Variants in P2RY6 observed in about 807,000 individuals in gnomAD.
P2RY6 encodes the protein pyrimidinergic receptor P2Y6.
Under a neutral mutation model 16.3 loss-of-function variants are expected in P2RY6, and 19 were observed. The ratio of observed to expected loss-of-function variants is 1.16; its 90% CI spans 0.81 to 1.71. P2RY6 has a LOEUF of 1.71. P2RY6 is among the 40% of genes most tolerant of loss of function. P2RY6 has a pLI of 0.00. For synonymous variants in P2RY6, 184 were observed against 201.5 expected, an observed-to-expected ratio of 0.91 and a Z score of 0.74; for missense variants, 389 against 455.5, an observed-to-expected ratio of 0.85 and a Z score of 1.33.
upstream of P2RY6, among the ~76,000 whole-genome samples, chr11:73,269,227 G>A (rs1863205666): frequency 1.3e-5 from 2 of 152,174 alleles, no homozygotes; most frequent in African/African-American, 4.8e-5. Context: ...GAGTGCAGGA[G>A]GGTGGCTGTG....
intron 1 of P2RY6, chr11:73,292,717 G>T (rs1269063890): frequency 3.6e-5 from 29 of 804,888 alleles, no homozygotes; most frequent in Non-Finnish European, 4.1e-5. Flanking sequence ...TAGGCGTGGT[G>T]TTGGGGATGG....
At chr11:73,290,344 A>AAAGT (rs1864178760) in intron 1 of P2RY6, among the ~76,000 whole-genome samples, 1 of 149,426 alleles carries the variant, frequency 6.7e-6, no homozygotes, top group South Asian at 2.1e-4. Flanking sequence ...AGAAAGAAAG[A>AAAGT]AAGAAAGAAA....
At chr11:73,291,795 C>A (rs933106182) in intron 1 of P2RY6, among the ~76,000 whole-genome samples, 1 of 151,868 alleles carries the variant, frequency 6.6e-6, no homozygotes, top group Non-Finnish European at 1.5e-5. Flanking sequence ...CACTGGTGAT[C>A]AGTATGACCA....
At chr11:73,295,437 T>C (rs1864432956) in intron 1 of P2RY6, among the ~76,000 whole-genome samples, 1 of 152,226 alleles carries the variant, frequency 6.6e-6, no homozygotes, top group African/African-American at 2.4e-5. Flanking sequence ...CCCATGTCTG[T>C]GGGCTACACT....
intron 1 of P2RY6, chr11:73,265,552 G>A (rs11235705): frequency 0.14 from 20,608 of 149,868 alleles, 1,511 homozygotes; most frequent in Non-Finnish European, 0.18. Context: ...GAGTGAGGCG[G>A]TGATGTTGGG....
chr11:73,280,787 C>T (rs1194282395), intron 1 of P2RY6, among the ~76,000 whole-genome samples: 1 of 152,180 alleles, frequency 6.6e-6, no homozygotes, highest in African/African-American at 2.4e-5. Context: ...CAGAGTCCAG[C>T]AGGTCGCGTG....
upstream of P2RY6, among the ~76,000 whole-genome samples, chr11:73,268,052 G>GT (rs1863163249): frequency 6.6e-6 from 1 of 152,270 alleles, no homozygotes; most frequent in African/African-American, 2.4e-5. Context: ...CGTGCCTGCC[G>GT]TGGGTGGTGT....
At chr11:73,277,082 A>G (rs1365045908) in intron 1 of P2RY6, among the ~76,000 whole-genome samples, 1 of 151,792 alleles carries the variant, frequency 6.6e-6, no homozygotes, top group Non-Finnish European at 1.5e-5. Flanking sequence ...AAGTTGGCCC[A>G]CTGCATCACT....
intron 1 of P2RY6, among the ~76,000 whole-genome samples, chr11:73,281,453 A>G (rs921064308): frequency 6.6e-6 from 1 of 152,264 alleles, no homozygotes; most frequent in Admixed American, 6.5e-5. Flanking sequence ...AGAAGGGACC[A>G]GCCCACATTC....
At chr11:73,292,903 A>C in intron 1 of P2RY6, 2 of 967,870 alleles carry the variant, frequency 2.1e-6, no homozygotes, top group Non-Finnish European at 2.4e-6. Context: ...AGCGTGCTGC[A>C]GGGACAGGAG....
intron 1 of P2RY6, chr11:73,292,896 G>A (rs1049493790): frequency 1.1e-4 from 108 of 984,636 alleles, no homozygotes; most frequent in Admixed American, 9.3e-4. Context: ...GACCACCAGC[G>A]TGCTGCAGGG....
chr11:73,296,639 C>G lies in P2RY6; in HGVS notation c.121C>G (p.Leu41Val). 6.2e-7 allele frequency: 1 copy of G among 1,614,212 alleles called. No homozygotes were observed. The highest frequency in any genetic ancestry group is 8.5e-7 in the Non-Finnish European group (1 of 1,180,044). Residue 41 changes from leucine to valine, a missense_variant, in exon 3 of 3, where the codon CTG becomes GTG. Physicochemically the swap from Leu to Val is conservative, Grantham distance 32. Coordinates refer to ENST00000540124, the MANE Select transcript of P2RY6 (RefSeq NM_001277204.2). Reference protein sequence around the residue: ...PVYSAVLAAGLPLNICVITQI... With the variant: ...PVYSAVLAAGVPLNICVITQI... ...GTATTCGGCGGTGCTGGCGGCTGGC[C>G]TGCCGCTGAACATCTGTGTCATTAC... is the stretch of plus-strand genomic sequence containing the variant.
At chr11:73,266,411 G>A (rs1188894529) in intron 1 of P2RY6, among the ~76,000 whole-genome samples, 1 of 152,196 alleles carries the variant, frequency 6.6e-6, no homozygotes, top group Non-Finnish European at 1.5e-5. Flanking sequence ...GGAACTGGCA[G>A]GGGCAGGAGC....
chr11:73,272,320 C>T (rs527590250), upstream of P2RY6: 3 of 985,282 alleles, frequency 3.0e-6, no homozygotes, highest in African/African-American at 1.7e-5. Context: ...TCTCGGTTTC[C>T]TCATCTGCTG....
At chr11:73,283,632 A>C (rs542208129) in intron 1 of P2RY6, among the ~76,000 whole-genome samples, 1 of 152,300 alleles carries the variant, frequency 6.6e-6, no homozygotes, top group African/African-American at 2.4e-5. Context: ...CCTTGGTTCC[A>C]TCTTGCCAGC....
At position 73,296,588 on chromosome 11, in the gene P2RY6, T is replaced by C. The variant is rs781530436; in HGVS notation, c.70T>C (p.Phe24Leu). The C allele has an allele frequency of 2.5e-6, 4 of 1,614,234 alleles. No homozygotes were observed. In the South Asian group the frequency reaches 4.4e-5, roughly 18 times the overall value. The change falls in exon 3 of 3, where the codon TTC becomes CTC. Residue 24 changes from phenylalanine to leucine, a missense_variant. Transcript: ENST00000540124. ...CACCACCTGTGTCTACCGCGAGAAC[T>C]TCAAGCAACTGCTGCTGCCACCTGT... ...PPTTCVYREN[F>L]KQLLLPPVYS...
chr11:73,272,669 C>T (rs188327594), intron 1 of P2RY6, among the ~76,000 whole-genome samples: 5 of 152,290 alleles, frequency 3.3e-5, no homozygotes, highest in East Asian at 1.9e-4. Flanking sequence ...GACGAGGCAC[C>T]GCAGGACGGG....
intron 1 of P2RY6, among the ~76,000 whole-genome samples, chr11:73,287,945 G>T (rs1049131064): frequency 2.2e-4 from 33 of 152,296 alleles, no homozygotes; most frequent in African/African-American, 7.9e-4. Flanking sequence ...CTGCTCCCTG[G>T]GCCTCTGTGC....
At chr11:73,284,665 G>C (rs1863897017) in intron 1 of P2RY6, among the ~76,000 whole-genome samples, 1 of 152,152 alleles carries the variant, frequency 6.6e-6, no homozygotes, top group South Asian at 2.1e-4. Context: ...ACTACAGCTT[G>C]CTACATGAAT....
Sources: allele counts gnomAD v4.1 joint callset (sites outside exome capture counted in the v4.1 genomes callset), GRCh38; gene constraint gnomAD v4.1.1; transcripts MANE v1.5; gene names NCBI Gene and HGNC (gene_info 2026-07-23, HGNC 2026-07-21).